Variants in CSMD1 observed in about 807,000 individuals in gnomAD.
CSMD1 encodes CUB and sushi domain-containing protein 1.
CSMD1 carries 213 observed loss-of-function variants against 417.5 expected under a neutral mutation model. The observed-to-expected ratio is 0.51, with a 90% CI of 0.46 to 0.57. The LOEUF (loss-of-function observed/expected upper bound fraction) is 0.57, where lower values mean the gene tolerates loss of function less well. CSMD1 is among the 20% of genes least tolerant of loss of function. CSMD1 has a pLI of 0.00. For synonymous variants in CSMD1, 2,862 were observed against 1,736.8 expected (o/e 1.65, Z -16.11); for missense variants, 6,923 against 4,529.7 (o/e 1.53, Z -15.17).
intron 3 of CSMD1, among the ~76,000 whole-genome samples, chr8:4,393,517 T>C (rs1026693277): frequency 2.6e-5 from 4 of 152,200 alleles, no homozygotes; most frequent in African/African-American, 7.2e-5. Flanking sequence ...ATCTCATACA[T>C]CCTAGGCCCA....
At chr8:4,178,083 G>C (rs1232264943) in intron 3 of CSMD1, among the ~76,000 whole-genome samples, 1 of 152,116 alleles carries the variant, frequency 6.6e-6, no homozygotes, top group Non-Finnish European at 1.5e-5. Flanking sequence ...CATTTTATGA[G>C]GCCAGCATCA....
intron 2 of CSMD1, among the ~76,000 whole-genome samples, chr8:4,538,290 A>G (rs1797206684): frequency 6.6e-6 from 1 of 151,102 alleles, no homozygotes; most frequent in African/African-American, 2.4e-5. Flanking sequence ...TCCTACCACT[A>G]CGACATTGCA....
chr8:4,920,906 GAAAAGAAAAGA>G (rs1806413298), intron 1 of CSMD1, among the ~76,000 whole-genome samples: 2 of 22,202 alleles, frequency 9.0e-5, no homozygotes, highest in African/African-American at 2.5e-4. Context: ...GAAAAGAAAA[GAAAAGAAAAGA>G]AAAGAAAAGA....
chr8:2,965,506 G>T (rs1803876524), intron 59 of CSMD1, among the ~76,000 whole-genome samples: 1 of 152,136 alleles, frequency 6.6e-6, no homozygotes, highest in South Asian at 2.1e-4. Context: ...AGACTCTAGG[G>T]TGGCGTGACC....
At chr8:4,606,394 G>A (rs1179768669) in intron 2 of CSMD1, among the ~76,000 whole-genome samples, 2 of 152,162 alleles carry the variant, frequency 1.3e-5, no homozygotes, top group African/African-American at 2.4e-5. Flanking sequence ...CAGAGGTGAG[G>A]CTTCTTGCTT....
At chr8:4,142,926 T>C (rs541836599) in intron 3 of CSMD1, among the ~76,000 whole-genome samples, 6 of 150,900 alleles carry the variant, frequency 4.0e-5, no homozygotes, top group Non-Finnish European at 8.8e-5. Flanking sequence ...GGTCATATGT[T>C]GAAGTATTTG....
At chr8:4,723,807 A>AAC (rs1554457721) in intron 1 of CSMD1, among the ~76,000 whole-genome samples, 1 of 151,442 alleles carries the variant, frequency 6.6e-6, no homozygotes, top group African/African-American at 2.4e-5. Context: ...AAAACAAAAA[A>AAC]AAAACAAAAC....
At chr8:3,912,644 C>G (rs1045612307) in intron 5 of CSMD1, among the ~76,000 whole-genome samples, 1 of 152,012 alleles carries the variant, frequency 6.6e-6, no homozygotes, top group South Asian at 2.1e-4. Flanking sequence ...TACAAGCGTC[C>G]TCAAGTGGAA....
At chr8:4,177,708 C>A (rs1402260662) in intron 3 of CSMD1, among the ~76,000 whole-genome samples, 1 of 148,100 alleles carries the variant, frequency 6.8e-6, no homozygotes, top group African/African-American at 2.5e-5. Flanking sequence ...AAAAAAGAGA[C>A]AAGAATCAAA....
intron 5 of CSMD1, among the ~76,000 whole-genome samples, chr8:3,906,001 C>T (rs1363951690): frequency 6.6e-6 from 1 of 152,092 alleles, no homozygotes; most frequent in Non-Finnish European, 1.5e-5. Context: ...GTTGTTAGGC[C>T]TGGAGTTCTT....
At chr8:4,828,687 G>C (rs1483982826) in intron 1 of CSMD1, among the ~76,000 whole-genome samples, 1 of 152,120 alleles carries the variant, frequency 6.6e-6, no homozygotes, top group African/African-American at 2.4e-5. Context: ...GCCCAGGTGT[G>C]TAAAAGTCAA....
chr8:3,686,238 G>A (rs937400762), intron 7 of CSMD1, among the ~76,000 whole-genome samples: 1 of 152,130 alleles, frequency 6.6e-6, no homozygotes, highest in Admixed American at 6.5e-5. Context: ...TACTGACTTC[G>A]TGGATAATCA....
intron 3 of CSMD1, among the ~76,000 whole-genome samples, chr8:4,221,281 T>G (rs1157469461): frequency 6.6e-6 from 1 of 151,978 alleles, no homozygotes; most frequent in Non-Finnish European, 1.5e-5. Flanking sequence ...GAATTTTCAG[T>G]TAAACATGGC....
Position 3,677,160 on chromosome 8 carries a change from A to T in CSMD1, c.1009+31254T>A, listed in dbSNP as rs544157518. On this transcript the variant is annotated intron_variant, in intron 7 of 69. Coordinates refer to ENST00000635120, the MANE Select transcript of CSMD1 (RefSeq NM_033225.6). ...ATTCTGCACATGTAACCCAGAACTT[A>T]AAGTAAAATAAAAATAAAAGAAACA... 9.8e-4 allele frequency among the ~76,000 whole-genome samples: 149 copies of T among 152,288 alleles called. 2 individuals are homozygous for T. Among genetic ancestry groups the T allele is most frequent in the African/African-American group, 3.3e-3 (139 of 41,548 alleles).
chr8:4,426,783 T>C (rs1173884279), intron 2 of CSMD1, among the ~76,000 whole-genome samples: 1 of 148,512 alleles, frequency 6.7e-6, no homozygotes, highest in African/African-American at 2.5e-5. Context: ...ATACAGATGA[T>C]ATTATATAAT....
intron 10 of CSMD1, among the ~76,000 whole-genome samples, chr8:3,509,615 A>T (rs1796978599): frequency 2.0e-5 from 3 of 152,214 alleles, no homozygotes; most frequent in Admixed American, 2.0e-4. Flanking sequence ...GATATAACAG[A>T]TCTAATCTGG....
At chr8:3,619,334 TG>T (rs1034821114) in intron 7 of CSMD1, among the ~76,000 whole-genome samples, 1 of 152,078 alleles carries the variant, frequency 6.6e-6, no homozygotes, top group African/African-American at 2.4e-5. Context: ...TTTTCTACCG[TG>T]TTCTGCAAAC....
intron 6 of CSMD1, among the ~76,000 whole-genome samples, chr8:3,735,071 C>T (rs919881930): frequency 6.6e-6 from 1 of 152,190 alleles, no homozygotes; most frequent in African/African-American, 2.4e-5. Context: ...TGGGAGGACA[C>T]ACGCCAGCCA....
At chr8:4,292,347 G>C (rs1048052657) in intron 3 of CSMD1, among the ~76,000 whole-genome samples, 1 of 152,070 alleles carries the variant, frequency 6.6e-6, no homozygotes, top group Non-Finnish European at 1.5e-5. Context: ...CTGCCTCCGG[G>C]GTTCACGCCT....
Sources: allele counts gnomAD v4.1 joint callset (sites outside exome capture counted in the v4.1 genomes callset), GRCh38; gene constraint gnomAD v4.1.1; transcripts MANE v1.5; gene names NCBI Gene and HGNC (gene_info 2026-07-23, HGNC 2026-07-21).